The following PPP2R2C variants were observed in gnomAD, a reference collection of about 807,000 sequenced individuals.
PPP2R2C encodes protein phosphatase 2 regulatory subunit Bgamma.
PPP2R2C carries 10 observed loss-of-function variants against 45.3 expected under a neutral mutation model. The ratio of observed to expected loss-of-function variants is 0.22; its 90% CI spans 0.14 to 0.37. The LOEUF is 0.37. PPP2R2C is among the 10% of genes least tolerant of loss of function. PPP2R2C has a pLI of 1.00. For missense variants in PPP2R2C, 308 were observed against 619.7 expected, an observed-to-expected ratio of 0.50 and a Z score of 5.34; for synonymous variants, 257 against 245.4, an observed-to-expected ratio of 1.05 and a Z score of -0.44.
intron 6 of PPP2R2C, among the ~76,000 whole-genome samples, chr4:6,341,984 C>T (rs1307897122): frequency 6.6e-6 from 1 of 151,814 alleles, no homozygotes; most frequent in Non-Finnish European, 1.5e-5. Context: ...TACAGTTGCC[C>T]CTTGACCCTC....
intron 1 of PPP2R2C, among the ~76,000 whole-genome samples, chr4:6,435,423 T>C (rs952470559): frequency 1.3e-5 from 2 of 152,262 alleles, no homozygotes; most frequent in African/African-American, 4.8e-5. Context: ...AGAGGTGTGA[T>C]TGCTCAATTA....
chr4:6,342,460 A>G (rs1733525886), intron 6 of PPP2R2C, among the ~76,000 whole-genome samples: 1 of 152,328 alleles, frequency 6.6e-6, no homozygotes, highest in Admixed American at 6.5e-5. Flanking sequence ...AACTGAAAAC[A>G]GCATGTGTTT....
intron 1 of PPP2R2C, chr4:6,384,689 A>G: frequency 2.0e-6 from 2 of 985,464 alleles, no homozygotes; most frequent in Non-Finnish European, 1.2e-6. Context: ...TTACCAGGCA[A>G]CACACACTAA....
chr4:6,413,881 A>G lies in PPP2R2C; in HGVS notation c.71-32787T>C, dbSNP rs1718371696. Reference sequence around the variant, plus strand: ...GATGGGGACCCTCCCAACTCTCATGATGCCCCACAGCCCCTGCTCACCCGT... The same window carrying G: ...GATGGGGACCCTCCCAACTCTCATGGTGCCCCACAGCCCCTGCTCACCCGT... On this transcript the variant is annotated intron_variant, in intron 1 of 8. Coordinates refer to ENST00000382599, the MANE Select transcript of PPP2R2C (RefSeq NM_020416.4). The G allele has an allele frequency of 2.6e-6, 4 of 1,535,880 alleles. No homozygotes were observed. In the African/African-American group the frequency reaches 5.5e-5, roughly 21 times the overall value.
chr4:6,511,023 TTGAA>T (rs199974730), intron 2 of PPP2R2C, among the ~76,000 whole-genome samples: 10,830 of 150,410 alleles, frequency 0.072, 763 homozygotes, highest in African/African-American at 0.18. Context: ...AAAATGTTTG[TTGAA>T]TGAATGAATA....
intron 1 of PPP2R2C, among the ~76,000 whole-genome samples, chr4:6,433,620 C>G (rs756193481): frequency 6.6e-6 from 1 of 152,148 alleles, no homozygotes; most frequent in Non-Finnish European, 1.5e-5. Flanking sequence ...AATAGGCATA[C>G]GGGTTCCAAA....
chr4:6,430,055 C>T (rs771487188), intron 1 of PPP2R2C, among the ~76,000 whole-genome samples: 1 of 152,222 alleles, frequency 6.6e-6, no homozygotes, highest in Non-Finnish European at 1.5e-5. Context: ...TGAAGCCTCA[C>T]TAGTCCCCAC....
chr4:6,508,971 T>G (rs1723334781), intron 2 of PPP2R2C, among the ~76,000 whole-genome samples: 1 of 152,218 alleles, frequency 6.6e-6, no homozygotes. Context: ...AACTTTTTAA[T>G]AAACTTTCAC....
rs1489463175 is a variant in PPP2R2C at position 6,321,099 on chromosome 4, T to C, written c.*2203A>G. ...TCTTTTTGGTTTGGTACCCAAAGTT[T>C]AAAACAGAAGTAAGGAACTAGGAAC... is the stretch of plus-strand genomic sequence containing the variant. On this transcript the variant is annotated 3_prime_UTR_variant, in exon 9 of 9. Coordinates refer to ENST00000382599, the MANE Select transcript of PPP2R2C (RefSeq NM_020416.4). The C allele has an allele frequency of 6.6e-6, 1 of 152,248 alleles. No homozygotes were observed. Among genetic ancestry groups the C allele is most frequent in the East Asian group, 1.9e-4 (1 of 5,208 alleles). The allele number at this position is 152,248 out of a possible 1,614,324, so 9.4% of individuals were successfully genotyped here.
intron 2 of PPP2R2C, among the ~76,000 whole-genome samples, chr4:6,510,545 C>T (rs1405544742): frequency 1.3e-5 from 2 of 152,198 alleles, no homozygotes; most frequent in East Asian, 3.9e-4. Flanking sequence ...CCCCGCCCCA[C>T]ATGCATGTGC....
At position 6,412,770 on chromosome 4, in the gene PPP2R2C, G is replaced by C. The variant is rs139081742; in HGVS notation, c.71-31676C>G. Among the ~76,000 whole-genome samples the C allele has an allele frequency of 2.1e-3, 326 of 152,224 alleles. 1 individual carries two copies. Among genetic ancestry groups the C allele is most frequent in the Middle Eastern group, 6.8e-3 (2 of 294 alleles). On this transcript the variant is annotated intron_variant, in intron 1 of 8. Coordinates refer to ENST00000382599, the MANE Select transcript of PPP2R2C (RefSeq NM_020416.4). ...CCAAGATAATGGTGTTAGGAGGTGGGGCCTTTGGGAGGTCATGAGGTCATG... is the reference window on the plus strand; with the variant it reads ...CCAAGATAATGGTGTTAGGAGGTGGCGCCTTTGGGAGGTCATGAGGTCATG...
intron 5 of PPP2R2C, among the ~76,000 whole-genome samples, chr4:6,358,196 T>A (rs921360333): frequency 1.3e-5 from 2 of 152,064 alleles, no homozygotes; most frequent in African/African-American, 4.8e-5. Flanking sequence ...TCTACAACCA[T>A]CTGATCTTTG....
intron 2 of PPP2R2C, among the ~76,000 whole-genome samples, chr4:6,492,970 C>A (rs943085624): frequency 6.6e-6 from 1 of 152,156 alleles, no homozygotes; most frequent in Non-Finnish European, 1.5e-5. Flanking sequence ...TTCCCCTCCC[C>A]AGTCTCCCTC....
In PPP2R2C at chr4:6,532,490, G is replaced by A. The variant is rs114832604; in HGVS notation, c.49+2781C>T. ...CAGAAACAAAGGGGCAGAACTCATG[G>A]GCAGCAGCATCTCCAGATCTAGCTG... On this transcript the variant is annotated intron_variant, in intron 2 of 9. Coordinates refer to the PPP2R2C transcript ENST00000506140. Among the ~76,000 whole-genome samples the A allele has an allele frequency of 5.3e-3, 806 of 152,320 alleles. 10 individuals carry two copies. Among genetic ancestry groups the A allele is most frequent in the African/African-American group, 0.018 (754 of 41,566 alleles).
At chr4:6,526,862 A>C (rs1724224262) in intron 2 of PPP2R2C, among the ~76,000 whole-genome samples, 1 of 152,222 alleles carries the variant, frequency 6.6e-6, no homozygotes, top group Non-Finnish European at 1.5e-5. Flanking sequence ...CATTAAGTGC[A>C]ATCAGGCCTG....
intron 1 of PPP2R2C, among the ~76,000 whole-genome samples, chr4:6,413,331 C>G (rs1718312090): frequency 6.6e-6 from 1 of 152,256 alleles, no homozygotes; most frequent in African/African-American, 2.4e-5. Context: ...ACGATACACA[C>G]TGACACACTC....
chr4:6,455,394 A>C (rs4689448), intron 1 of PPP2R2C, among the ~76,000 whole-genome samples: 149,819 of 152,228 alleles, frequency 0.98, 73,771 homozygotes, highest in Middle Eastern at 1. Context: ...GCAGTGGGAG[A>C]AGCTCTCTCT....
chr4:6,478,481 G>C (rs1577212733), intron 2 of PPP2R2C, among the ~76,000 whole-genome samples: 1 of 151,042 alleles, frequency 6.6e-6, no homozygotes, highest in East Asian at 2.0e-4. Context: ...CCTCAAGAGA[G>C]ATTGTCCATC....
At chr4:6,327,717 C>A (rs1732068812) in intron 8 of PPP2R2C, among the ~76,000 whole-genome samples, 1 of 152,140 alleles carries the variant, frequency 6.6e-6, no homozygotes, top group Non-Finnish European at 1.5e-5. Flanking sequence ...CCTGCTGACC[C>A]AGCTGTGCCA....
Sources: gnomAD v4.1 joint callset for allele counts (sites outside exome capture counted in the v4.1 genomes callset) on GRCh38, gnomAD v4.1.1 for gene constraint, MANE v1.5 for transcripts, NCBI Gene and HGNC (gene_info 2026-07-23, HGNC 2026-07-21) for gene names.